VCF1: variants seen among roughly 807,000 people sequenced by gnomAD.
VCF1 encodes VCP nuclear cofactor family member 1.
the VCF1 span, chr17:73,209,477 T>C: frequency 1.3e-6 from 2 of 1,525,064 alleles, no homozygotes; most frequent in Admixed American, 2.1e-5. Context: ...AGTTGAAATA[T>C]CAAATCTGCA....
At chr17:73,227,207 T>A in the VCF1 span, 2 of 1,588,548 alleles carry the variant, frequency 1.3e-6, no homozygotes, top group East Asian at 2.3e-5. Flanking sequence ...TTCTGCTACT[T>A]CTTTTGGTCT....
chr17:73,207,598 TG>T, the VCF1 span: 1 of 906,728 alleles, frequency 1.1e-6, no homozygotes, highest in Non-Finnish European at 1.6e-6. Flanking sequence ...TGTTTTGTTC[TG>T]GTGATGATGG....
At chr17:73,232,108 T>C in the VCF1 span, 3 of 1,609,490 alleles carry the variant, frequency 1.9e-6, no homozygotes, top group Non-Finnish European at 2.5e-6. Flanking sequence ...CGCTCGCTCA[T>C]GGCAGCTGGC....
the VCF1 span, among the ~76,000 whole-genome samples, chr17:73,224,929 G>GCACA: frequency 5.8e-3 from 877 of 150,262 alleles, 7 homozygotes; most frequent in Non-Finnish European, 0.01. Flanking sequence ...GGACAGGACA[G>GCACA]GACAGCACAG....
the VCF1 span, among the ~76,000 whole-genome samples, chr17:73,212,337 A>C: frequency 6.6e-6 from 1 of 152,236 alleles, no homozygotes; most frequent in Non-Finnish European, 1.5e-5. Context: ...AACAAGACTC[A>C]AACCAAGACT....
chr17:73,230,090 A>C, the VCF1 span, among the ~76,000 whole-genome samples: 3 of 152,014 alleles, frequency 2.0e-5, no homozygotes, highest in Non-Finnish European at 4.4e-5. Flanking sequence ...TGAGCCCAGG[A>C]GTTCAAGACC....
the VCF1 span, among the ~76,000 whole-genome samples, chr17:73,218,959 G>C: frequency 6.6e-6 from 1 of 152,086 alleles, no homozygotes; most frequent in Non-Finnish European, 1.5e-5. Context: ...GGCGGAGCTT[G>C]CAGTGAGCCG....
At chr17:73,223,710 C>CA in the VCF1 span, among the ~76,000 whole-genome samples, 10 of 151,114 alleles carry the variant, frequency 6.6e-5, no homozygotes, top group South Asian at 2.1e-4. Context: ...GCCAGGTTAA[C>CA]AAAAAAAAGA....
At chr17:73,209,240 T>C in the VCF1 span, 2 of 498,258 alleles carry the variant, frequency 4.0e-6, no homozygotes, top group South Asian at 2.4e-5. Flanking sequence ...GGACATACTA[T>C]GGATTCAACA....
At chr17:73,218,363 T>C in the VCF1 span, among the ~76,000 whole-genome samples, 1 of 152,250 alleles carries the variant, frequency 6.6e-6, no homozygotes, top group South Asian at 2.1e-4. Context: ...ATAACTTTTC[T>C]GTCTCCATGA....
the VCF1 span, among the ~76,000 whole-genome samples, chr17:73,226,630 G>A: frequency 6.6e-6 from 1 of 152,140 alleles, no homozygotes; most frequent in African/African-American, 2.4e-5. Flanking sequence ...ACTCTTTCAT[G>A]AAATCAAAAA....
At chr17:73,209,481 A>G in the VCF1 span, 2 of 1,540,262 alleles carry the variant, frequency 1.3e-6, no homozygotes, top group Non-Finnish European at 1.8e-6. Context: ...GAAATATCAA[A>G]TCTGCACAGC....
At chr17:73,232,030 GCTCTAT>G in the VCF1 span, 4 of 1,506,114 alleles carry the variant, frequency 2.7e-6, no homozygotes, top group East Asian at 9.9e-5. Flanking sequence ...CGCCCCCTCG[GCTCTAT>G]CTCCCAGATC....
At chr17:73,232,112 A>G in the VCF1 span, 1 of 1,609,738 alleles carries the variant, frequency 6.2e-7, no homozygotes, top group East Asian at 2.2e-5. Context: ...CGCTCATGGC[A>G]GCTGGCGGAT....
the VCF1 span, chr17:73,207,958 A>C: frequency 8.1e-7 from 1 of 1,229,350 alleles, no homozygotes; most frequent in South Asian, 1.7e-5. Flanking sequence ...GCTCTTGCAA[A>C]AACCATCCAG....
At chr17:73,212,429 AT>A in the VCF1 span, among the ~76,000 whole-genome samples, 1 of 152,198 alleles carries the variant, frequency 6.6e-6, no homozygotes, top group African/African-American at 2.4e-5. Context: ...TCTTTCTAGA[AT>A]AAAAAAATAA....
At chr17:73,210,741 G>T in the VCF1 span, among the ~76,000 whole-genome samples, 4 of 148,120 alleles carry the variant, frequency 2.7e-5, no homozygotes, top group African/African-American at 1.0e-4. Flanking sequence ...ACAAGCGTAC[G>T]CCACCATGCC....
chr17:73,224,978 A>AGCACAGCACAGCACG, the VCF1 span, among the ~76,000 whole-genome samples: 1 of 150,558 alleles, frequency 6.6e-6, no homozygotes, highest in African/African-American at 2.4e-5. Context: ...AGCACAGCAC[A>AGCACAGCACAGCACG]GCACAGCACA....
At chr17:73,221,675 G>A in the VCF1 span, among the ~76,000 whole-genome samples, 1 of 152,106 alleles carries the variant, frequency 6.6e-6, no homozygotes, top group Non-Finnish European at 1.5e-5. Flanking sequence ...GATTGCTTGA[G>A]CCCAGGAGTT....
Sources: allele counts gnomAD v4.1 joint callset (sites outside exome capture counted in the v4.1 genomes callset), GRCh38; gene constraint gnomAD v4.1.1; transcripts MANE v1.5; gene names NCBI Gene and HGNC (gene_info 2026-07-23, HGNC 2026-07-21).